The following KANSL1 variants were observed in gnomAD, a reference collection of about 807,000 sequenced individuals.
KANSL1 encodes the protein KAT8 regulatory NSL complex subunit 1.
In KANSL1, 22 loss-of-function variants were observed where a neutral mutation model predicts 103.6. The observed-to-expected ratio is 0.21, with a 90% confidence interval of 0.15 to 0.30. The LOEUF is 0.30. Ranked by LOEUF, KANSL1 falls within the 10% of genes least tolerant of loss-of-function variation. KANSL1 has a pLI of 1.00. For synonymous variants in KANSL1, 600 were observed against 527.6 expected (o/e 1.14, Z -1.88); for missense variants, 1,337 against 1,399.8 (o/e 0.96, Z 0.72).
chr17:46,167,646 T>A (rs1249061340), intron 2 of KANSL1, among the ~76,000 whole-genome samples: 1 of 152,252 alleles, frequency 6.6e-6, no homozygotes, highest in Non-Finnish European at 1.5e-5. Flanking sequence ...TAAGAGTTTT[T>A]AAACCAGACA....
chr17:46,107,885 C>A (rs1220558156), intron 2 of KANSL1, among the ~76,000 whole-genome samples: 1 of 152,192 alleles, frequency 6.6e-6, no homozygotes, highest in Non-Finnish European at 1.5e-5. Context: ...CCCCCACCAC[C>A]TCTATCTCTC....
intron 4 of KANSL1, among the ~76,000 whole-genome samples, chr17:46,075,304 C>T (rs1434007008): frequency 6.6e-6 from 1 of 152,050 alleles, no homozygotes; most frequent in African/African-American, 2.4e-5. Context: ...GAGAAAGCTC[C>T]GTACGGAGAC....
In KANSL1 at chr17:46,168,984, A is replaced by G. The variant is rs537577733; in HGVS notation, c.1289+1871T>C. 2.1e-4 allele frequency among the ~76,000 whole-genome samples: 32 copies of G among 152,388 alleles called. 1 individual carries two copies. The highest frequency in any genetic ancestry group is 7.2e-4 in the African/African-American group (30 of 41,588). ...TTTCATTGGTTTGTAACGCTTACCT[A>G]CAACAGTACCAAAACTCAGAAATGT... On this transcript the variant is annotated intron_variant, in intron 2 of 14. Transcript: ENST00000432791.
At chr17:46,118,807 C>G (rs762817040) in intron 2 of KANSL1, among the ~76,000 whole-genome samples, 3 of 152,232 alleles carry the variant, frequency 2.0e-5, no homozygotes, top group Non-Finnish European at 4.4e-5. Context: ...CTGCTTCCCT[C>G]TATCAGAGGT....
At chr17:46,106,840 C>A (rs1031326414) in intron 2 of KANSL1, among the ~76,000 whole-genome samples, 1 of 129,602 alleles carries the variant, frequency 7.7e-6, no homozygotes. Flanking sequence ...ACAAAACAAA[C>A]AAAAAAGTGA....
At chr17:46,194,124 G>A (rs2047521418), upstream of KANSL1, among the ~76,000 whole-genome samples, 1 of 152,202 alleles carries the variant, frequency 6.6e-6, no homozygotes, top group Non-Finnish European at 1.5e-5. Flanking sequence ...AGCCCGGGAA[G>A]GGACAGCCGG....
At chr17:46,142,845 T>C (rs1212801283) in intron 2 of KANSL1, among the ~76,000 whole-genome samples, 1 of 152,254 alleles carries the variant, frequency 6.6e-6, no homozygotes, top group Non-Finnish European at 1.5e-5. Flanking sequence ...GATATATCTG[T>C]AGTCTTCTGA....
chr17:46,046,318 G>GA, intron 7 of KANSL1, among the ~76,000 whole-genome samples: 1 of 151,610 alleles, frequency 6.6e-6, no homozygotes, highest in Non-Finnish European at 1.5e-5. Flanking sequence ...TAGATCGCTT[G>GA]GGCCCAAGAG....
chr17:46,068,205 A>C (rs1049331302), intron 4 of KANSL1, among the ~76,000 whole-genome samples: 1 of 152,208 alleles, frequency 6.6e-6, no homozygotes, highest in Admixed American at 6.5e-5. Flanking sequence ...AATGTAGTTA[A>C]TATCTGCTTA....
At chr17:46,202,989 T>C (rs2047852107) in intron 1 of KANSL1, among the ~76,000 whole-genome samples, 2 of 152,346 alleles carry the variant, frequency 1.3e-5, no homozygotes, top group Admixed American at 1.3e-4. Context: ...ACTAGCACTT[T>C]GGGAGGCCGA....
At chr17:46,075,160 T>G (rs1198524902) in intron 4 of KANSL1, among the ~76,000 whole-genome samples, 8 of 152,178 alleles carry the variant, frequency 5.3e-5, no homozygotes, top group Admixed American at 5.2e-4. Context: ...AGAAAGGACA[T>G]TAATAAGAAA....
At chr17:46,224,152 C>T (rs566098046), upstream of KANSL1, among the ~76,000 whole-genome samples, 235 of 152,338 alleles carry the variant, frequency 1.5e-3, no homozygotes, top group Non-Finnish European at 2.5e-3. Context: ...ACCCTTGCCA[C>T]ATTTAATTAT....
chr17:46,031,472 C>T lies in KANSL1; in HGVS notation c.*4G>A, dbSNP rs901807508. ...GTGAGTCTGTTTAGATGGCTGTCTCCCGCTCATCTGTGAGTCGGGCGCTGA... is the reference window on the plus strand; with the variant it reads ...GTGAGTCTGTTTAGATGGCTGTCTCTCGCTCATCTGTGAGTCGGGCGCTGA... On this transcript the variant is annotated 3_prime_UTR_variant, in exon 15 of 15. Transcript: ENST00000432791. The T allele has an allele frequency of 1.9e-6, 3 of 1,596,072 alleles. No individual in the cohort carries two copies. Among genetic ancestry groups the T allele is most frequent in the African/African-American group, 1.3e-5 (1 of 74,694 alleles).
intron 2 of KANSL1, among the ~76,000 whole-genome samples, chr17:46,142,703 TTTTA>T (rs1199354119): frequency 6.6e-6 from 1 of 152,274 alleles, no homozygotes; most frequent in Non-Finnish European, 1.5e-5. Context: ...AGATAGTATT[TTTTA>T]TTTATCAGTT....
At chr17:46,040,173 T>C in intron 7 of KANSL1, 1 of 429,442 alleles carries the variant, frequency 2.3e-6, no homozygotes, top group Non-Finnish European at 4.1e-6. Context: ...TTGAATTTAC[T>C]GGTTTGAAAA....
chr17:46,068,357 G>C (rs1235613100), intron 4 of KANSL1, among the ~76,000 whole-genome samples: 1 of 151,908 alleles, frequency 6.6e-6, no homozygotes, highest in Non-Finnish European at 1.5e-5. Flanking sequence ...TGAGCCCAGG[G>C]GTTCAAGACC....
chr17:46,143,677 G>A (rs868517693), intron 2 of KANSL1, among the ~76,000 whole-genome samples: 101 of 151,202 alleles, frequency 6.7e-4, no homozygotes, highest in Admixed American at 1.4e-3. Context: ...TGTGGCGGGC[G>A]CCTGTAGTCC....
At position 46,033,067 on chromosome 17, in the gene KANSL1, C is replaced by CCTGCCCCATCACCTG; in HGVS notation, c.2835_2837+12dup. Reference sequence around the variant, plus strand: ...TCTCCACAGGCCCTGGGGACCCAAGCCTGCCCCATCACCTGCTGCCCCGCC... The same window carrying CCTGCCCCATCACCTG: ...TCTCCACAGGCCCTGGGGACCCAAGCCTGCCCCATCACCTGCTGCCCCATCACCTGCTGCCCCGCC... On this transcript the variant is annotated intron_variant, in intron 13 of 14. Transcript: ENST00000432791. The CCTGCCCCATCACCTG allele has an allele frequency of 6.4e-7, 1 of 1,555,060 alleles. No homozygotes were observed. The highest frequency in any genetic ancestry group is 8.7e-7 in the Non-Finnish European group (1 of 1,149,044).
upstream of KANSL1, among the ~76,000 whole-genome samples, chr17:46,198,043 AG>A (rs1481247890): frequency 6.6e-6 from 1 of 152,216 alleles, no homozygotes; most frequent in African/African-American, 2.4e-5. Context: ...TCAAAAGCAC[AG>A]GGGCCCATTT....
Sources: gnomAD v4.1 joint callset for allele counts (sites outside exome capture counted in the v4.1 genomes callset) on GRCh38, gnomAD v4.1.1 for gene constraint, MANE v1.5 for transcripts, NCBI Gene and HGNC (gene_info 2026-07-23, HGNC 2026-07-21) for gene names.